GREB1: variants seen among roughly 807,000 people sequenced by gnomAD.
The protein encoded by GREB1 is growth regulating estrogen receptor binding 1.
In GREB1, 106 loss-of-function variants were observed where a neutral mutation model predicts 200.7. The ratio of observed to expected loss-of-function variants is 0.53; its 90% confidence interval spans 0.45 to 0.62. GREB1 has a LOEUF of 0.62. Ranked by LOEUF, GREB1 falls within the 20% of genes least tolerant of loss-of-function variation. The pLI is 0.00. For missense variants in GREB1, 2,243 were observed against 2,556.8 expected, an observed-to-expected ratio of 0.88 and a Z score of 2.65; for synonymous variants, 1,132 against 1,092.4, an observed-to-expected ratio of 1.04 and a Z score of -0.72.
At chr2:11,565,573 C>T (rs1677546980) in intron 3 of GREB1, among the ~76,000 whole-genome samples, 2 of 152,200 alleles carry the variant, frequency 1.3e-5, no homozygotes, top group South Asian at 4.1e-4. Flanking sequence ...AAAGCCTTAT[C>T]CAAATTAGTC....
intron 17 of GREB1, among the ~76,000 whole-genome samples, chr2:11,604,446 A>G (rs953179712): frequency 1.3e-5 from 2 of 152,180 alleles, no homozygotes; most frequent in Admixed American, 6.5e-5. Context: ...GTTGGCTGCT[A>G]GCACCACCAC....
intron 20 of GREB1, among the ~76,000 whole-genome samples, chr2:11,615,621 T>TA (rs1464903820): frequency 1.3e-5 from 2 of 152,230 alleles, no homozygotes; most frequent in African/African-American, 2.4e-5. Context: ...CAAAATTTCT[T>TA]AGAGTTCCTC....
intron 25 of GREB1, among the ~76,000 whole-genome samples, chr2:11,628,168 G>A (rs1684617235): frequency 6.6e-6 from 1 of 152,254 alleles, no homozygotes; most frequent in African/African-American, 2.4e-5. Context: ...GCTGTGTTTA[G>A]ACTGGTCTCT....
rs1259033992 is a variant in GREB1 at position 11,641,214 on chromosome 2, G to A, written c.*760G>A. 6.6e-6 allele frequency: 1 copy of A among 152,128 alleles called. No individual in the cohort carries two copies. The highest frequency in any genetic ancestry group is 2.4e-5 in the African/African-American group (1 of 41,426). 9.4% of individuals were successfully genotyped at this position (152,128 alleles called of 1,614,324 possible). A position where few individuals can be genotyped will look rare whatever the true frequency, so the allele number is the denominator to read the frequency against. Reference sequence around the variant, plus strand: ...AAAATTAGCCTTACAAAGGAGAAAGGACCACATTGCTTACTTGAAACAGAC... The same window carrying A: ...AAAATTAGCCTTACAAAGGAGAAAGAACCACATTGCTTACTTGAAACAGAC... On this transcript the variant is annotated 3_prime_UTR_variant, in exon 33 of 33. Coordinates refer to ENST00000381486, the MANE Select transcript of GREB1 (RefSeq NM_014668.4).
chr2:11,596,013 T>A, intron 12 of GREB1, 98 bp from the exon 13 acceptor site: 1 of 1,202,920 alleles, frequency 8.3e-7, no homozygotes, highest in South Asian at 1.4e-5. Context: ...CCTTCATGAC[T>A]CCAGGCCTCG....
Position 11,495,114 on chromosome 2 carries a change from G to A in GREB1, c.-159+12733G>A, listed in dbSNP as rs7609189. Among the ~76,000 whole-genome samples, 930 of 152,226 alleles carry A rather than the reference G, an allele frequency of 6.1e-3. 9 individuals are homozygous for A. Among genetic ancestry groups the A allele is most frequent in the African/African-American group, 0.022 (893 of 41,524 alleles). ...CCTGGGGAATCAGGCCTGTTACATC[G>A]TCTGCTTATCTCCATGCCTCTTTCT... On this transcript the variant is annotated intron_variant, in intron 1 of 2. Coordinates refer to the GREB1 transcript ENST00000628795.
intron 4 of GREB1, among the ~76,000 whole-genome samples, chr2:11,567,275 C>T (rs1677769966): frequency 6.6e-6 from 1 of 152,148 alleles, no homozygotes; most frequent in Non-Finnish European, 1.5e-5. Context: ...CAGGTGTGCA[C>T]CACCACATCC....
At chr2:11,485,501 T>A (rs1467064357) in intron 1 of GREB1, among the ~76,000 whole-genome samples, 1 of 151,654 alleles carries the variant, frequency 6.6e-6, no homozygotes, top group Non-Finnish European at 1.5e-5. Context: ...CTTGTACTCC[T>A]GGCCTCAAGT....
chr2:11,576,133 GTC>G (rs1245232127), intron 4 of GREB1, among the ~76,000 whole-genome samples: 1 of 151,902 alleles, frequency 6.6e-6, no homozygotes, highest in African/African-American at 2.4e-5. Context: ...GTGAAACCCC[GTC>G]TCTACTAAAA....
rs965607452 is a variant in GREB1, at chr2:11,580,365, A to G, written c.773-339A>G. ...TTCTTTAACTCAGGCTGTGTGTCCA[A>G]TGGGGTGTGAGCAGGAGGGTGCATG... On this transcript the variant is annotated intron_variant, in intron 6 of 32. Coordinates refer to ENST00000381486, the MANE Select transcript of GREB1 (RefSeq NM_014668.4). This position sits in a 1 kb window ranked among gnomAD's most constrained non-coding sequence, Gnocchi z 4.5. Among the ~76,000 whole-genome samples the G allele has an allele frequency of 2.0e-5, 3 of 152,178 alleles. No homozygotes were observed. The highest frequency in any genetic ancestry group is 4.1e-4 in the South Asian group (2 of 4,826).
intron 24 of GREB1, among the ~76,000 whole-genome samples, 160 bp from the exon 25 acceptor site, chr2:11,626,802 C>T (rs1485520280): frequency 6.6e-6 from 1 of 152,184 alleles, no homozygotes; most frequent in Non-Finnish European, 1.5e-5. Flanking sequence ...CTTTGACCAG[C>T]TGTCACGTCA....
At position 11,630,097 on chromosome 2, in the gene GREB1, C is replaced by T. The variant is rs544330451; in HGVS notation, c.4599C>T (p.Leu1533=). The change falls in exon 26 of 33, where the codon CTC becomes CTT. Residue 1533 remains leucine, a synonymous_variant. Coordinates refer to ENST00000381486, the MANE Select transcript of GREB1 (RefSeq NM_014668.4). The part of the protein sequence containing the change: ...GGQLESMRLP[L]VTDKSHEYIK... ...AGCTGGAGAGCATGCGACTACCCCT[C>T]GTGACAGACAAGGTACTGGCTCAGA... The T allele has an allele frequency of 1.5e-5, 25 of 1,614,136 alleles. No individual in the cohort carries two copies. The highest frequency in any genetic ancestry group is 5.3e-5 in the African/African-American group (4 of 75,062).
At chr2:11,544,100 T>C (rs746143395) in intron 1 of GREB1, among the ~76,000 whole-genome samples, 6 of 152,162 alleles carry the variant, frequency 3.9e-5, no homozygotes, top group Admixed American at 1.3e-4. Context: ...AGGTGCCTCA[T>C]TGCATGATTG....
At chr2:11,632,255 T>C (rs2148426363) in intron 27 of GREB1, 142 bp downstream of exon 27, 1 of 629,688 alleles carries the variant, frequency 1.6e-6, no homozygotes, top group Non-Finnish European at 2.8e-6. Context: ...TTGTCTGACT[T>C]TTTTATGCAG....
At position 11,602,523 on chromosome 2, in the gene GREB1, G is replaced by A. The variant is rs1233837536; in HGVS notation, c.2647G>A (p.Val883Ile). The A allele has an allele frequency of 6.2e-7, 1 of 1,613,874 alleles. No individual in the cohort carries two copies. Among genetic ancestry groups the A allele is most frequent in the Admixed American group, 1.7e-5 (1 of 60,012 alleles). The change falls in exon 17 of 33, where the codon GTC becomes ATC. Residue 883 changes from valine to isoleucine, a missense_variant. Transcript: ENST00000381486. ...LRYDSSFEAM[V>I]TALGKRFPRL... ...ATACGATAGCTCCTTTGAGGCCATG[G>A]TCACTGCATTAGGAAAAAGGTACTT...
At chr2:11,500,249 C>T (rs1281978449) in intron 1 of GREB1, among the ~76,000 whole-genome samples, 1 of 151,910 alleles carries the variant, frequency 6.6e-6, no homozygotes, top group East Asian at 1.9e-4. Context: ...GCAACCTCCA[C>T]CTCCCGAGTT....
chr2:11,494,123 C>T (rs919516341), intron 1 of GREB1, among the ~76,000 whole-genome samples: 9 of 152,284 alleles, frequency 5.9e-5, no homozygotes, highest in African/African-American at 1.9e-4. Context: ...CAGGGTTGCG[C>T]GGCCAGCAGA....
At chr2:11,553,981 CAG>C (rs1342364793) in intron 1 of GREB1, among the ~76,000 whole-genome samples, 1 of 152,118 alleles carries the variant, frequency 6.6e-6, no homozygotes, top group Non-Finnish European at 1.5e-5. Flanking sequence ...GCTATGGAAA[CAG>C]AGGGCATTTG....
Position 11,492,150 on chromosome 2 carries a change from A to ACGTGG in GREB1, c.-159+9771_-159+9775dup, listed in dbSNP as rs200993573. 6.5e-3 allele frequency among the ~76,000 whole-genome samples: 984 copies of ACGTGG among 152,196 alleles called. 4 individuals are homozygous for ACGTGG. Among genetic ancestry groups the ACGTGG allele is most frequent in the African/African-American group, 0.022 (929 of 41,530 alleles). On this transcript the variant is annotated intron_variant, in intron 1 of 2. Transcript: ENST00000628795. This position sits in a 1 kb window ranked among gnomAD's most constrained non-coding sequence, Gnocchi z 4.0. ...CATGCATCGTTTCCATGGTCATTTA[A>ACGTGG]CGTGGCACTTTACTCTGGGATTGTT...
Sources: gnomAD v4.1 joint callset for allele counts (sites outside exome capture counted in the v4.1 genomes callset) on GRCh38, gnomAD v4.1.1 for gene constraint, Gnocchi (gnomAD v3.1) non-coding constraint, MANE v1.5 for transcripts, NCBI Gene and HGNC (gene_info 2026-07-23, HGNC 2026-07-21) for gene names.